The following MLLT3 variants were observed in gnomAD, a reference collection of about 807,000 sequenced individuals.
MLLT3 encodes the protein protein AF-9.
MLLT3 carries 4 observed loss-of-function variants against 53.2 expected under a neutral mutation model. The observed-to-expected ratio is 0.08, with a 90% CI of 0.04 to 0.17. MLLT3 has a LOEUF of 0.17. MLLT3 is among the 10% of genes least tolerant of loss of function. The pLI is 1.00. For missense variants in MLLT3, 569 were observed against 684.0 expected, an observed-to-expected ratio of 0.83 and a Z score of 1.87; for synonymous variants, 283 against 230.6, an observed-to-expected ratio of 1.23 and a Z score of -2.06.
Position 20,456,728 on chromosome 9 carries a change from T to C in MLLT3, c.252A>G (p.Pro84=), listed in dbSNP as rs1823979616. The C allele has an allele frequency of 1.9e-6, 3 of 1,607,760 alleles. No homozygotes were observed. Among genetic ancestry groups the C allele is most frequent in the Non-Finnish European group, 2.5e-6 (3 of 1,178,100 alleles). Residue 84 remains proline, a synonymous_variant, in exon 3 of 11, where the codon CCA becomes CCG. Coordinates refer to ENST00000380338, the MANE Select transcript of MLLT3 (RefSeq NM_004529.4). ...EESGYAGFIL[P]IEVYFKNKEE... is the part of the protein sequence containing the mutation. The stretch of plus-strand genomic sequence containing the variant: ...CCTTGTTTTTAAAATAAACTTCAAT[T>C]GGCAAAATGAAACCAGCATACCCAG...
At chr9:20,547,334 C>T (rs1228212895) in intron 2 of MLLT3, among the ~76,000 whole-genome samples, 1 of 151,790 alleles carries the variant, frequency 6.6e-6, no homozygotes, top group African/African-American at 2.4e-5. Flanking sequence ...ATGCCCGGCC[C>T]TCATACTGTC....
chr9:20,347,617 A>T (rs190241485), intron 10 of MLLT3, among the ~76,000 whole-genome samples: 1 of 152,318 alleles, frequency 6.6e-6, no homozygotes, highest in East Asian at 1.9e-4. Context: ...TTCTACTAAT[A>T]ATTTTATTGG....
At chr9:20,596,110 A>G (rs2131191687) in intron 2 of MLLT3, among the ~76,000 whole-genome samples, 1 of 152,348 alleles carries the variant, frequency 6.6e-6, no homozygotes, top group African/African-American at 2.4e-5. Context: ...CTTAAGGGAA[A>G]ACTTGAAAAA....
chr9:20,471,525 C>T (rs1307214188), intron 2 of MLLT3, among the ~76,000 whole-genome samples: 2 of 152,034 alleles, frequency 1.3e-5, no homozygotes, highest in African/African-American at 2.4e-5. Flanking sequence ...TCTGACATTT[C>T]CTAGCTGTAG....
At chr9:20,589,348 G>A (rs1366145631) in intron 2 of MLLT3, among the ~76,000 whole-genome samples, 2 of 147,898 alleles carry the variant, frequency 1.4e-5, no homozygotes, top group African/African-American at 5.0e-5. Context: ...AAAACCAAAC[G>A]CCACATATTC....
At chr9:20,567,455 G>A (rs1325808928) in intron 2 of MLLT3, among the ~76,000 whole-genome samples, 3 of 152,058 alleles carry the variant, frequency 2.0e-5, no homozygotes, top group Non-Finnish European at 2.9e-5. Context: ...AAGCTATAGT[G>A]AGCCTAAACA....
At chr9:20,563,842 C>T (rs1819281847) in intron 2 of MLLT3, among the ~76,000 whole-genome samples, 2 of 152,098 alleles carry the variant, frequency 1.3e-5, no homozygotes, top group African/African-American at 4.8e-5. Flanking sequence ...GCAGGAATGA[C>T]AAACAGAATC....
intron 2 of MLLT3, among the ~76,000 whole-genome samples, chr9:20,562,071 T>C (rs950694757): frequency 3.9e-5 from 6 of 152,246 alleles, no homozygotes; most frequent in African/African-American, 7.2e-5. Flanking sequence ...TTTTATGTCA[T>C]ATTTTCATGC....
At chr9:20,604,858 A>G (rs1820523016) in intron 2 of MLLT3, among the ~76,000 whole-genome samples, 1 of 152,168 alleles carries the variant, frequency 6.6e-6, no homozygotes, top group Admixed American at 6.6e-5. Flanking sequence ...CTAATTTTTA[A>G]CAATGTTAAA....
At chr9:20,393,254 G>A (rs772154993) in intron 5 of MLLT3, among the ~76,000 whole-genome samples, 3 of 152,134 alleles carry the variant, frequency 2.0e-5, no homozygotes, top group Non-Finnish European at 4.4e-5. Context: ...TAACCAGGTA[G>A]GACCTAGTGA....
chr9:20,346,045 G>A lies in MLLT3; in HGVS notation c.*398C>T, dbSNP rs578054183. On this transcript the variant is annotated 3_prime_UTR_variant, in exon 11 of 11. Transcript: ENST00000380338. ...TCTGTATGCGATAATAAATAGATCA[G>A]TTATGTAATAAGGCAGTGTGTTGAA... The A allele has an allele frequency of 1.1e-4, 26 of 246,386 alleles. No individual in the cohort carries two copies. The highest frequency in any genetic ancestry group is 1.3e-3 in the Middle Eastern group (1 of 798). 15.3% of individuals were successfully genotyped at this position (246,386 alleles called of 1,614,324 possible). A position where few individuals can be genotyped will look rare whatever the true frequency, so the allele number is the denominator to read the frequency against.
chr9:20,525,548 TA>T (rs771616287), intron 2 of MLLT3, among the ~76,000 whole-genome samples: 3 of 152,308 alleles, frequency 2.0e-5, no homozygotes, highest in South Asian at 2.1e-4. Flanking sequence ...ACTGAGGTTT[TA>T]AATGAAATCT....
At chr9:20,402,026 G>A (rs1202084094) in intron 5 of MLLT3, among the ~76,000 whole-genome samples, 2 of 152,252 alleles carry the variant, frequency 1.3e-5, no homozygotes, top group East Asian at 1.9e-4. Flanking sequence ...TCCAGGGACC[G>A]ACTATATAAT....
chr9:20,359,157 AAAAAAAAAAAAAAAAAAAT>A (rs1821254540), intron 8 of MLLT3, among the ~76,000 whole-genome samples: 1 of 149,212 alleles, frequency 6.7e-6, no homozygotes, highest in African/African-American at 2.4e-5. Context: ...AAAAAAAAAA[AAAAAAAAAAAAAAAAAAAT>A]CTCACCAAGG....
At chr9:20,520,541 G>T (rs1368503696) in intron 2 of MLLT3, among the ~76,000 whole-genome samples, 1 of 152,050 alleles carries the variant, frequency 6.6e-6, no homozygotes, top group Non-Finnish European at 1.5e-5. Flanking sequence ...AAATAGGAAG[G>T]CATATAAATA....
chr9:20,414,670 A>G (rs1822828150), intron 4 of MLLT3, among the ~76,000 whole-genome samples: 1 of 152,198 alleles, frequency 6.6e-6, no homozygotes, highest in Non-Finnish European at 1.5e-5. Flanking sequence ...CATCTGAAGC[A>G]TGGAGTTTTA....
At chr9:20,549,106 C>T (rs903404255) in intron 2 of MLLT3, among the ~76,000 whole-genome samples, 1 of 152,120 alleles carries the variant, frequency 6.6e-6, no homozygotes, top group African/African-American at 2.4e-5. Context: ...TTAGCCATCA[C>T]GCCCTGCCTC....
intron 2 of MLLT3, among the ~76,000 whole-genome samples, chr9:20,476,893 C>A (rs372269471): frequency 6.6e-6 from 1 of 152,122 alleles, no homozygotes; most frequent in Non-Finnish European, 1.5e-5. Context: ...CCATAGCATA[C>A]GTTAAGGAAT....
At chr9:20,513,044 G>C (rs2118964549) in intron 2 of MLLT3, among the ~76,000 whole-genome samples, 1 of 152,318 alleles carries the variant, frequency 6.6e-6, no homozygotes, top group East Asian at 1.9e-4. Flanking sequence ...TTTGGTTTTG[G>C]GGGTATCTCT....
Sources: allele counts gnomAD v4.1 joint callset (sites outside exome capture counted in the v4.1 genomes callset), GRCh38; gene constraint gnomAD v4.1.1; transcripts MANE v1.5; gene names NCBI Gene and HGNC (gene_info 2026-07-23, HGNC 2026-07-21).